TTC39C: variants seen among roughly 807,000 people sequenced by gnomAD.
TTC39C encodes the protein tetratricopeptide repeat protein 39C.
Under a neutral mutation model 76.3 loss-of-function variants are expected in TTC39C, and 33 were observed. The observed-to-expected ratio is 0.43, with a 90% CI of 0.33 to 0.58. TTC39C has a LOEUF of 0.58. Among genes scored for constraint, TTC39C ranks in the 20% least tolerant of loss-of-function variants. The probability of loss-of-function intolerance (pLI) is 0.04; values close to 1 mark genes in which losing one functional copy is unlikely to be tolerated. For missense variants in TTC39C, 595 were observed against 701.4 expected, an observed-to-expected ratio of 0.85 and a Z score of 1.71; for synonymous variants, 254 against 260.6, an observed-to-expected ratio of 0.97 and a Z score of 0.24.
chr18:24,088,872 G>A (rs182760400), intron 6 of TTC39C, among the ~76,000 whole-genome samples: 3 of 152,156 alleles, frequency 2.0e-5, no homozygotes, highest in East Asian at 1.9e-4. Flanking sequence ...TTCTATCCCC[G>A]GCGTGCCTGT....
chr18:24,061,428 C>T (rs2084098905), intron 1 of TTC39C, among the ~76,000 whole-genome samples: 1 of 151,880 alleles, frequency 6.6e-6, no homozygotes, highest in East Asian at 1.9e-4. Flanking sequence ...CTAGGAGCCT[C>T]TTCCTCCCCG....
intron 6 of TTC39C, among the ~76,000 whole-genome samples, chr18:24,093,619 C>A (rs1168377508): frequency 6.6e-6 from 1 of 151,952 alleles, no homozygotes; most frequent in African/African-American, 2.4e-5. Context: ...AGAGACATTG[C>A]GGGTTTGGTT....
At chr18:24,056,578 G>GACATA (rs146190359) in intron 1 of TTC39C, among the ~76,000 whole-genome samples, 3 of 151,856 alleles carry the variant, frequency 2.0e-5, no homozygotes, top group Non-Finnish European at 4.4e-5. Flanking sequence ...TGTGTTTCAG[G>GACATA]AAATCATCAT....
intron 6 of TTC39C, among the ~76,000 whole-genome samples, chr18:24,107,641 T>C (rs138166923): frequency 1.8e-3 from 267 of 152,358 alleles, no homozygotes; most frequent in Non-Finnish European, 3.0e-3. Flanking sequence ...CCTTCTGCCA[T>C]GATTGCAAGG....
chr18:24,094,566 C>G (rs1266321744), intron 6 of TTC39C, among the ~76,000 whole-genome samples: 1 of 152,222 alleles, frequency 6.6e-6, no homozygotes, highest in South Asian at 2.1e-4. Flanking sequence ...AAAACTACTC[C>G]TTGTTCCATG....
intron 1 of TTC39C, among the ~76,000 whole-genome samples, chr18:24,047,049 T>C (rs937261159): frequency 1.3e-5 from 2 of 151,816 alleles, no homozygotes; most frequent in African/African-American, 4.9e-5. Flanking sequence ...TTTAGTACAG[T>C]TTGCAGTTTC....
At chr18:24,095,614 G>C (rs1023961766) in intron 6 of TTC39C, among the ~76,000 whole-genome samples, 2 of 152,150 alleles carry the variant, frequency 1.3e-5, no homozygotes, top group South Asian at 2.1e-4. Flanking sequence ...CAGGAGAATT[G>C]ATAGAACCTG....
At chr18:24,109,531 T>C (rs1305295652) in intron 6 of TTC39C, among the ~76,000 whole-genome samples, 1 of 152,202 alleles carries the variant, frequency 6.6e-6, no homozygotes, top group Non-Finnish European at 1.5e-5. Flanking sequence ...ATTATGGCGA[T>C]TTAAACATTT....
intron 1 of TTC39C, among the ~76,000 whole-genome samples, chr18:24,033,252 C>CAATA (rs769592459): frequency 8.5e-5 from 13 of 152,102 alleles, no homozygotes; most frequent in African/African-American, 1.9e-4. Flanking sequence ...GACTCTGTCT[C>CAATA]AATAAATAAA....
intron 1 of TTC39C, among the ~76,000 whole-genome samples, chr18:24,028,405 C>A (rs971491578): frequency 6.6e-6 from 1 of 152,156 alleles, no homozygotes; most frequent in Non-Finnish European, 1.5e-5. Flanking sequence ...GATCTTTTCT[C>A]CTAATGGAAG....
At chr18:24,115,613 G>A (rs559686133) in intron 7 of TTC39C, among the ~76,000 whole-genome samples, 1 of 152,198 alleles carries the variant, frequency 6.6e-6, no homozygotes, top group African/African-American at 2.4e-5. Context: ...GAATGCTCAG[G>A]GAAGCAGTTG....
chr18:24,093,800 A>G lies in TTC39C; in HGVS notation c.984+10719A>G, dbSNP rs147421554. Among the ~76,000 whole-genome samples the G allele has an allele frequency of 3.1e-3, 465 of 152,338 alleles. 5 individuals are homozygous for G. The highest frequency in any genetic ancestry group is 0.011 in the African/African-American group (439 of 41,570). ...ACCTTAATTAAAAAACTTTATTGCT[A>G]AAACTATCAATCATCTGAGCCTTCA... On this transcript the variant is annotated intron_variant, in intron 6 of 13. Transcript: ENST00000317571.
chr18:24,099,526 T>C (rs1276453429), intron 6 of TTC39C, among the ~76,000 whole-genome samples: 1 of 151,956 alleles, frequency 6.6e-6, no homozygotes, highest in Non-Finnish European at 1.5e-5. Flanking sequence ...AACTGATATA[T>C]GTAACTTAGC....
chr18:24,064,396 G>A (rs549831764), intron 2 of TTC39C, among the ~76,000 whole-genome samples: 2 of 152,210 alleles, frequency 1.3e-5, no homozygotes, highest in South Asian at 4.2e-4. Flanking sequence ...CTTATTTATA[G>A]GGTATTATAT....
chr18:24,031,803 G>A (rs72877888), intron 1 of TTC39C, among the ~76,000 whole-genome samples: 11,524 of 152,134 alleles, frequency 0.076, 895 homozygotes, highest in African/African-American at 0.19. Context: ...CCTCCAAAAG[G>A]TATCTACTTC....
intron 6 of TTC39C, among the ~76,000 whole-genome samples, chr18:24,107,891 G>A (rs576539967): frequency 1.4e-5 from 2 of 145,256 alleles, no homozygotes. Flanking sequence ...CCCAAGTAGG[G>A]GGGGGGGTAC....
At chr18:24,102,360 A>G (rs1599327052) in intron 6 of TTC39C, among the ~76,000 whole-genome samples, 1 of 152,050 alleles carries the variant, frequency 6.6e-6, no homozygotes, top group Non-Finnish European at 1.5e-5. Flanking sequence ...AAACATAACT[A>G]CTCTATCCAT....
chr18:24,027,642 C>T (rs907845583), intron 1 of TTC39C, among the ~76,000 whole-genome samples: 3 of 151,868 alleles, frequency 2.0e-5, no homozygotes, highest in Admixed American at 6.6e-5. Context: ...TCACTGTAGC[C>T]TTGATCTCTT....
chr18:24,122,329 C>A (rs1488626950), intron 8 of TTC39C, among the ~76,000 whole-genome samples: 2 of 151,508 alleles, frequency 1.3e-5, no homozygotes, highest in East Asian at 1.9e-4. Flanking sequence ...TGGTGAAACC[C>A]CATCTCTATT....
Sources: allele counts gnomAD v4.1 joint callset (sites outside exome capture counted in the v4.1 genomes callset), GRCh38; gene constraint gnomAD v4.1.1; transcripts MANE v1.5; gene names NCBI Gene and HGNC (gene_info 2026-07-23, HGNC 2026-07-21).